RSRP1: variants seen among roughly 807,000 people sequenced by gnomAD.
RSRP1 encodes arginine/serine-rich protein 1.
Under a neutral mutation model 33.0 loss-of-function variants are expected in RSRP1, and 37 were observed. The observed-to-expected ratio is 1.12, with a 90% CI of 0.86 to 1.48. The LOEUF (loss-of-function observed/expected upper bound fraction) is 1.48. Among genes scored for constraint, RSRP1 ranks in the 40% most tolerant of loss-of-function variants. The pLI, the probability that RSRP1 is intolerant of heterozygous loss-of-function variation, is 0.00. For missense variants in RSRP1, 402 were observed against 385.3 expected (o/e 1.04, Z -0.36); for synonymous variants, 167 against 158.7 (o/e 1.05, Z -0.40).
At position 25,306,220 on chromosome 1, in the gene RSRP1, C is replaced by T. The variant is rs1324533352; in HGVS notation, c.-67+31758G>A. On this transcript the variant is annotated intron_variant, in intron 1 of 1. Coordinates refer to the RSRP1 transcript ENST00000561867. Reference sequence around the variant, plus strand: ...CTACTGGCAGCTCGTGGGGAGAGACCAGGGATGCTGCTTAACATCCTACAG... The same window carrying T: ...CTACTGGCAGCTCGTGGGGAGAGACTAGGGATGCTGCTTAACATCCTACAG... Among the ~76,000 whole-genome samples, 3 of 131,588 alleles carry T rather than the reference C, an allele frequency of 2.3e-5. 1 individual carries two copies. The highest frequency in any genetic ancestry group is 5.4e-5 in the Non-Finnish European group (3 of 55,748). 86.3% of individuals were successfully genotyped at this position (131,588 alleles called of 152,430 possible). A position where few individuals can be genotyped will look rare whatever the true frequency, so the allele number is the denominator to read the frequency against.
In RSRP1 at chr1:25,330,559, A is replaced by C. The variant is rs1435887457; in HGVS notation, c.-67+7419T>G. 2 of 126,290 alleles carry C rather than the reference A, an allele frequency of 1.6e-5. 1 individual carries two copies. The highest frequency in any genetic ancestry group is 5.3e-5 in the African/African-American group (2 of 37,784). 7.8% of individuals were successfully genotyped at this position (126,290 alleles called of 1,614,324 possible). On this transcript the variant is annotated intron_variant, in intron 1 of 1. Transcript: ENST00000561867. ...TTGCACAAAAGAGAACCAATCTATC[A>C]ATTACAAACTCACATAATTTTACAG... is the stretch of plus-strand genomic sequence containing the variant.
rs1342056401 is a variant in RSRP1 at position 25,315,638 on chromosome 1, A to T, written c.-67+22340T>A. On this transcript the variant is annotated intron_variant, in intron 1 of 1. Coordinates refer to the RSRP1 transcript ENST00000561867. ...CAGCCTCCTGAGTAGCTGGGACTAC[A>T]GGCGCCTGCCACCACTCCCGGCTAA... is the stretch of plus-strand genomic sequence containing the variant. Among the ~76,000 whole-genome samples the T allele has an allele frequency of 4.8e-5, 6 of 125,876 alleles. 1 individual carries two copies. Among genetic ancestry groups the T allele is most frequent in the African/African-American group, 1.6e-4 (6 of 36,434 alleles). The allele number at this position is 125,876 out of a possible 152,430, so 82.6% of individuals were successfully genotyped here. A position where few individuals can be genotyped will look rare whatever the true frequency, so the allele number is the denominator to read the frequency against.
chr1:25,320,049 C>T (rs1289088133), intron 1 of RSRP1, among the ~76,000 whole-genome samples: 1 of 131,494 alleles, frequency 7.6e-6, no homozygotes, highest in Admixed American at 7.4e-5. Flanking sequence ...CAGGCATGCA[C>T]CACCACACCC....
At chr1:25,281,714 T>C (rs628434) in intron 1 of RSRP1, among the ~76,000 whole-genome samples, 13,008 of 130,696 alleles carry the variant, frequency 0.1, 3,231 homozygotes, top group African/African-American at 0.32. Flanking sequence ...TCCCTCCTTG[T>C]TGTCAGAAGA....
chr1:25,247,079 T>C, intron 1 of RSRP1, 50 bp from the exon 2 acceptor site: 1 of 1,154,704 alleles, frequency 8.7e-7, no homozygotes, highest in Non-Finnish European at 1.2e-6. Context: ...AGCCGGCGCC[T>C]GGCCACCCGG....
chr1:25,244,456 A>T, intron 3 of RSRP1: 9 of 1,289,434 alleles, frequency 7.0e-6, no homozygotes, highest in Non-Finnish European at 9.1e-6. Context: ...TCAATTACCA[A>T]CAGATTTTCT....
In RSRP1 at chr1:25,284,439, A is replaced by G. The variant is rs1321252711; in HGVS notation, c.-66-37410T>C. On this transcript the variant is annotated intron_variant, in intron 1 of 1. Coordinates refer to the RSRP1 transcript ENST00000561867. Reference sequence around the variant, plus strand: ...AGAACATTGAGGCTCAAAGAGGCAAAGTAACTTGACCAAATACTTGTAAAC... The same window carrying G: ...AGAACATTGAGGCTCAAAGAGGCAAGGTAACTTGACCAAATACTTGTAAAC... The G allele has an allele frequency of 3.3e-6, 3 of 900,008 alleles. 1 individual carries two copies. Among genetic ancestry groups the G allele is most frequent in the Non-Finnish European group, 5.3e-6 (3 of 567,770 alleles). The allele number at this position is 900,008 out of a possible 1,614,324, so 55.8% of individuals were successfully genotyped here. A position where few individuals can be genotyped will look rare whatever the true frequency, so the allele number is the denominator to read the frequency against.
chr1:25,246,802 C>A lies in RSRP1; in HGVS notation c.162G>T (p.Ser54=). Residue 54 remains serine (S), a synonymous_variant, in exon 2 of 5, where the codon TCG becomes TCT. Coordinates refer to ENST00000243189, the MANE Select transcript of RSRP1 (RefSeq NM_020317.5). Reference sequence around the variant, plus strand: ...TGGACTTGCTCCTCCGACTCCTGGACGAAAACCGGCTCGAGACGCGGGAAT... The same window carrying A: ...TGGACTTGCTCCTCCGACTCCTGGAAGAAAACCGGCTCGAGACGCGGGAAT... ...RSHSRVSSRF[S]SRSRRSKSRS... 1.2e-6 allele frequency: 2 copies of A among 1,613,504 alleles called. No homozygotes were observed. Among genetic ancestry groups the A allele is most frequent in the Non-Finnish European group, 1.7e-6 (2 of 1,179,742 alleles).
chr1:25,249,594 G>T (rs1364341219), upstream of RSRP1, among the ~76,000 whole-genome samples: 1 of 151,994 alleles, frequency 6.6e-6, no homozygotes, highest in African/African-American at 2.4e-5. Flanking sequence ...TGCCTGCCTC[G>T]GCCTCCCAAA....
chr1:25,258,795 A>T lies in RSRP1; in HGVS notation c.-66-11766T>A, dbSNP rs28630054. ...CCAAACAATGAAATAAATATCTCTT[A>T]AAAAAAAACTGCATTTGTACTCTTA... On this transcript the variant is annotated intron_variant, in intron 1 of 1. Coordinates refer to the RSRP1 transcript ENST00000561867. 3.6e-3 allele frequency among the ~76,000 whole-genome samples: 550 copies of T among 151,262 alleles called. 5 individuals are homozygous for T. The highest frequency in any genetic ancestry group is 0.012 in the African/African-American group (509 of 41,272).
chr1:25,251,362 T>C (rs551727995), upstream of RSRP1, among the ~76,000 whole-genome samples: 1 of 152,298 alleles, frequency 6.6e-6, no homozygotes, highest in East Asian at 1.9e-4. Flanking sequence ...GTATAATTTA[T>C]AGTTTTCCTT....
intron 1 of RSRP1, among the ~76,000 whole-genome samples, chr1:25,261,705 ATTTTTTTTT>A (rs376795548): frequency 1.1e-5 from 1 of 93,690 alleles, no homozygotes; most frequent in Non-Finnish European, 2.1e-5. Flanking sequence ...CGCCCAGCAG[ATTTTTTTTT>A]TTTTTTTTTT....
rs1490722991 is a variant in RSRP1 at position 25,315,708 on chromosome 1, G to A, written c.-67+22270C>T. Among the ~76,000 whole-genome samples, 4 of 129,202 alleles carry A rather than the reference G, an allele frequency of 3.1e-5. No homozygotes were observed. The East Asian group carries it at 7.8e-4, about 25-fold the overall frequency. The allele number at this position is 129,202 out of a possible 152,430, so 84.8% of individuals were successfully genotyped here. ...AGAAGGGGTTTCACTGTGTTAGCCA[G>A]GATGGTCTCCATCTCCTGACCTCAT... On this transcript the variant is annotated intron_variant, in intron 1 of 1. Coordinates refer to the RSRP1 transcript ENST00000561867.
chr1:25,268,504 G>C (rs187383331), intron 1 of RSRP1, among the ~76,000 whole-genome samples: 1 of 130,740 alleles, frequency 7.6e-6, no homozygotes, highest in African/African-American at 2.6e-5. Flanking sequence ...GGGTGACAGA[G>C]TACTCCGTCT....
chr1:25,336,591 C>T (rs1271419842), intron 1 of RSRP1: 2 of 148,346 alleles, frequency 1.3e-5, no homozygotes, highest in African/African-American at 5.3e-5. Context: ...ATGTTAAGGC[C>T]AGAAAAGAGA....
chr1:25,328,733 C>T (rs1344427756), intron 1 of RSRP1, among the ~76,000 whole-genome samples: 2 of 28,492 alleles, frequency 7.0e-5, no homozygotes, highest in African/African-American at 2.2e-4. Context: ...CCATGTAAAA[C>T]GTTAGATGAA....
chr1:25,305,419 C>G (rs1209672677), intron 1 of RSRP1, among the ~76,000 whole-genome samples: 3 of 126,050 alleles, frequency 2.4e-5, no homozygotes, highest in Admixed American at 7.8e-5. Context: ...TTTATTGAGA[C>G]AGAGTCTCAT....
At chr1:25,316,613 A>T (rs1332109039) in intron 1 of RSRP1, among the ~76,000 whole-genome samples, 1,356 of 104,516 alleles carry the variant, frequency 0.013, 134 homozygotes, top group African/African-American at 0.04. Flanking sequence ...TCACAAACAA[A>T]AACAGAAAAA....
upstream of RSRP1, chr1:25,247,888 G>A (rs1233429196): frequency 2.6e-5 from 4 of 152,474 alleles, no homozygotes; most frequent in Non-Finnish European, 4.4e-5. Flanking sequence ...GGGGCCGTCT[G>A]ACGGGCTGGT....
Sources: gnomAD v4.1 joint callset for allele counts (sites outside exome capture counted in the v4.1 genomes callset) on GRCh38, gnomAD v4.1.1 for gene constraint, MANE v1.5 for transcripts, NCBI Gene and HGNC (gene_info 2026-07-23, HGNC 2026-07-21) for gene names.